STK33: variants seen among roughly 807,000 people sequenced by gnomAD.
STK33 encodes the protein serine/threonine-protein kinase 33.
STK33 carries 52 observed loss-of-function variants against 58.0 expected under a neutral mutation model. The ratio of observed to expected loss-of-function variants is 0.90; its 90% CI spans 0.72 to 1.13. The LOEUF is 1.13. Among genes scored for constraint, STK33 ranks in the 50% most tolerant of loss-of-function variants. The pLI, the probability that STK33 is intolerant of heterozygous loss-of-function variation, is 0.00. For synonymous variants in STK33, 215 were observed against 200.1 expected (o/e 1.07, Z -0.63); for missense variants, 630 against 604.2 (o/e 1.04, Z -0.45).
At chr11:8,461,641 A>T (rs796129426) in intron 8 of STK33, among the ~76,000 whole-genome samples, 164 bp downstream of exon 8, 1 of 152,314 alleles carries the variant, frequency 6.6e-6, no homozygotes, top group African/African-American at 2.4e-5. Flanking sequence ...CTAATTATGC[A>T]ATCAATAATA....
At chr11:8,389,550 G>A (rs1050664884), downstream of STK33, among the ~76,000 whole-genome samples, 18 of 152,160 alleles carry the variant, frequency 1.2e-4, no homozygotes, top group Admixed American at 7.9e-4. Context: ...ATTATAGGAC[G>A]CAACTTCCCT....
At chr11:8,516,107 A>G (rs1952759261) in intron 1 of STK33, among the ~76,000 whole-genome samples, 1 of 152,262 alleles carries the variant, frequency 6.6e-6, no homozygotes, top group African/African-American at 2.4e-5. Flanking sequence ...TGCTAAAGCA[A>G]TCTTAAGAAA....
At chr11:8,473,652 C>T (rs1948996023) in intron 5 of STK33, among the ~76,000 whole-genome samples, 1 of 152,126 alleles carries the variant, frequency 6.6e-6, no homozygotes, top group Non-Finnish European at 1.5e-5. Flanking sequence ...AAATTATTGG[C>T]CACTCAAAAA....
chr11:8,515,711 T>TA (rs1346325383), intron 1 of STK33, among the ~76,000 whole-genome samples: 4 of 152,140 alleles, frequency 2.6e-5, no homozygotes, highest in African/African-American at 9.7e-5. Context: ...TACACCATAT[T>TA]AACAGAATTG....
chr11:8,374,267 C>G, the STK33 span, among the ~76,000 whole-genome samples: 1 of 152,172 alleles, frequency 6.6e-6, no homozygotes, highest in Non-Finnish European at 1.5e-5. Context: ...AGGCCCCTCC[C>G]TAGCTCCCAC....
chr11:8,395,513 T>C (rs183010544), intron 15 of STK33, among the ~76,000 whole-genome samples: 9 of 152,368 alleles, frequency 5.9e-5, no homozygotes, highest in African/African-American at 1.7e-4. Context: ...TACATTCATC[T>C]ACTGACATGC....
At chr11:8,477,781 C>T (rs1315845206) in intron 2 of STK33, among the ~76,000 whole-genome samples, 3 of 152,132 alleles carry the variant, frequency 2.0e-5, no homozygotes, top group Non-Finnish European at 2.9e-5. Flanking sequence ...TTGTCACAGA[C>T]TTCTGAGTAC....
intron 7 of STK33, among the ~76,000 whole-genome samples, chr11:8,463,536 A>T (rs1214242102): frequency 2.6e-5 from 4 of 152,144 alleles, no homozygotes; most frequent in Non-Finnish European, 2.9e-5. Context: ...GACCTAAAGG[A>T]TCAAGAGAAA....
chr11:8,593,203 G>A (rs2032886481), intron 1 of STK33, among the ~76,000 whole-genome samples: 1 of 152,206 alleles, frequency 6.6e-6, no homozygotes, highest in African/African-American at 2.4e-5. Flanking sequence ...ATCCATCACT[G>A]TCTAAAGGCA....
chr11:8,423,449 T>C (rs945586018), intron 14 of STK33, among the ~76,000 whole-genome samples: 1 of 152,120 alleles, frequency 6.6e-6, no homozygotes, highest in Non-Finnish European at 1.5e-5. Flanking sequence ...CACTCAGTTC[T>C]AGGAATTTAA....
chr11:8,497,776 T>C (rs1182107617), intron 1 of STK33, among the ~76,000 whole-genome samples: 2 of 152,164 alleles, frequency 1.3e-5, no homozygotes, highest in Non-Finnish European at 2.9e-5. Flanking sequence ...TATTCAAAGT[T>C]CTGAAAGGAA....
intron 9 of STK33, among the ~76,000 whole-genome samples, 182 bp downstream of exon 9, chr11:8,457,159 C>G (rs2137104344): frequency 6.6e-6 from 1 of 152,116 alleles, no homozygotes; most frequent in East Asian, 1.9e-4. Context: ...CATCTTCGTT[C>G]ATATTTCTAA....
At position 8,529,082 on chromosome 11, in the gene STK33, G is replaced by A. The variant is rs561580993; in HGVS notation, c.-465-48468C>T. Among the ~76,000 whole-genome samples, 9 of 152,284 alleles carry A rather than the reference G, an allele frequency of 5.9e-5. No individual in the cohort carries two copies. In the South Asian group the frequency reaches 8.3e-4, roughly 14 times the overall value. ...ACATACGTAGTAAACAGCGAAACTA[G>A]GGTTTGAATCCCAACAGTCTGATTC... On this transcript the variant is annotated intron_variant, in intron 1 of 15. Transcript: ENST00000687296.
chr11:8,396,241 T>C (rs966186305), intron 15 of STK33, among the ~76,000 whole-genome samples: 5 of 152,150 alleles, frequency 3.3e-5, no homozygotes, highest in Non-Finnish European at 5.9e-5. Context: ...GTAGTTGGGA[T>C]TGCAGGTACA....
At chr11:8,506,717 C>T (rs750168143) in intron 1 of STK33, among the ~76,000 whole-genome samples, 1 of 152,136 alleles carries the variant, frequency 6.6e-6, no homozygotes. Flanking sequence ...GGAATTAGGA[C>T]GTGGACACCT....
At chr11:8,368,723 G>A in the STK33 span, among the ~76,000 whole-genome samples, 1 of 152,236 alleles carries the variant, frequency 6.6e-6, no homozygotes, top group Non-Finnish European at 1.5e-5. Context: ...CCCCAGTCTG[G>A]TTAGCCTTGT....
intron 14 of STK33, among the ~76,000 whole-genome samples, chr11:8,431,154 C>G (rs974678328): frequency 6.6e-6 from 1 of 152,058 alleles, no homozygotes; most frequent in South Asian, 2.1e-4. Context: ...CGTGACCCAC[C>G]GCACCCGGCC....
intron 11 of STK33, among the ~76,000 whole-genome samples, chr11:8,452,198 G>A (rs538122732): frequency 6.6e-6 from 1 of 151,352 alleles, no homozygotes; most frequent in Non-Finnish European, 1.5e-5. Context: ...GCAAGACTCC[G>A]TTTCGAAAAA....
At chr11:8,447,173 A>G (rs1243014120) in intron 11 of STK33, among the ~76,000 whole-genome samples, 1 of 151,658 alleles carries the variant, frequency 6.6e-6, no homozygotes, top group Non-Finnish European at 1.5e-5. Context: ...CACTTTTCAA[A>G]AGAAGACATT....
Sources: gnomAD v4.1 joint callset for allele counts (sites outside exome capture counted in the v4.1 genomes callset) on GRCh38, gnomAD v4.1.1 for gene constraint, MANE v1.5 for transcripts, NCBI Gene and HGNC (gene_info 2026-07-23, HGNC 2026-07-21) for gene names.